FAF1: variants seen among roughly 807,000 people sequenced by gnomAD.
FAF1 encodes Fas associated factor 1.
In FAF1, 25 loss-of-function variants were observed where a neutral mutation model predicts 92.5. The observed-to-expected ratio is 0.27, with a 90% CI of 0.20 to 0.38. The LOEUF is 0.38. Ranked by LOEUF, FAF1 falls within the 10% of genes least tolerant of loss-of-function variation. The pLI is 1.00. For synonymous variants in FAF1, 234 were observed against 273.2 expected (o/e 0.86, Z 1.42); for missense variants, 636 against 793.3 (o/e 0.80, Z 2.38).
rs531410756 is a variant in FAF1, at chr1:50,582,239, T to TA, written c.1113+378dup. Among the ~76,000 whole-genome samples the TA allele has an allele frequency of 2.9e-3, 432 of 151,470 alleles. 5 individuals are homozygous for TA. The South Asian group carries it at 0.036, about 13-fold the overall frequency. ...AAGCACATCCACCTTTTTTCCCATT[T>TA]AAAAAAAAACCCTATTTCAGTGCTT... is the stretch of plus-strand genomic sequence containing the variant. On this transcript the variant is annotated intron_variant, in intron 12 of 18. Coordinates refer to ENST00000396153, the MANE Select transcript of FAF1 (RefSeq NM_007051.3).
At chr1:50,547,472 G>A (rs1649085207) in intron 13 of FAF1, among the ~76,000 whole-genome samples, 2 of 151,508 alleles carry the variant, frequency 1.3e-5, no homozygotes, top group South Asian at 2.1e-4. Context: ...GTAGTGCAAC[G>A]GCGTGATCTA....
chr1:50,577,077 A>AT (rs1023941376), intron 12 of FAF1, among the ~76,000 whole-genome samples: 4 of 152,054 alleles, frequency 2.6e-5, no homozygotes, highest in African/African-American at 7.2e-5. Flanking sequence ...TCCGTCCTGC[A>AT]TTTTTTTGCT....
chr1:50,576,059 T>G (rs1198226241), intron 12 of FAF1, among the ~76,000 whole-genome samples: 2 of 152,234 alleles, frequency 1.3e-5, no homozygotes, highest in Non-Finnish European at 2.9e-5. Context: ...AATTCCTTTC[T>G]GAAACTGTTC....
intron 15 of FAF1, among the ~76,000 whole-genome samples, chr1:50,503,009 TA>T (rs1366500539): frequency 2.0e-5 from 3 of 151,936 alleles, no homozygotes; most frequent in Non-Finnish European, 2.9e-5. Flanking sequence ...ATTATTATAT[TA>T]AAAATGTTTT....
intron 18 of FAF1, among the ~76,000 whole-genome samples, chr1:50,461,086 T>A (rs1370828284): frequency 6.6e-6 from 1 of 152,196 alleles, no homozygotes; most frequent in Non-Finnish European, 1.5e-5. Flanking sequence ...TGGTTGAGTA[T>A]CCACTAATTC....
chr1:50,650,483 G>A (rs1217254282), intron 8 of FAF1, among the ~76,000 whole-genome samples: 3 of 151,840 alleles, frequency 2.0e-5, no homozygotes, highest in African/African-American at 7.3e-5. Context: ...AGCTGGGCAT[G>A]GTGGTATACG....
At chr1:50,586,739 G>A (rs1651250497) in intron 9 of FAF1, among the ~76,000 whole-genome samples, 1 of 152,158 alleles carries the variant, frequency 6.6e-6, no homozygotes, top group African/African-American at 2.4e-5. Flanking sequence ...TTAGAGCAGT[G>A]AAAGAGCCTC....
intron 14 of FAF1, among the ~76,000 whole-genome samples, chr1:50,538,326 T>C (rs1648589143): frequency 6.6e-6 from 1 of 152,024 alleles, no homozygotes; most frequent in South Asian, 2.1e-4. Context: ...TTGTGCCACA[T>C]AAACTATTAA....
At chr1:50,444,979 G>A (rs1014943347) in intron 18 of FAF1, among the ~76,000 whole-genome samples, 4 of 152,210 alleles carry the variant, frequency 2.6e-5, no homozygotes, top group African/African-American at 7.2e-5. Flanking sequence ...GGGCTTACTT[G>A]CAGATGATGA....
chr1:50,640,664 G>A (rs1021044628), intron 8 of FAF1, among the ~76,000 whole-genome samples: 3 of 151,882 alleles, frequency 2.0e-5, no homozygotes, highest in African/African-American at 7.3e-5. Flanking sequence ...GTCCATTTCA[G>A]CCTAGTGTTG....
intron 1 of FAF1, among the ~76,000 whole-genome samples, chr1:50,860,734 A>C (rs1644425504): frequency 6.6e-6 from 1 of 151,832 alleles, no homozygotes. Context: ...AGAAATCCCT[A>C]TGTATATATT....
intron 15 of FAF1, among the ~76,000 whole-genome samples, chr1:50,494,998 T>C (rs1168923835): frequency 6.6e-6 from 1 of 152,176 alleles, no homozygotes; most frequent in Non-Finnish European, 1.5e-5. Flanking sequence ...GAGTACATAG[T>C]AGGTCTACAT....
At chr1:50,714,231 C>T (rs1658076787) in intron 6 of FAF1, among the ~76,000 whole-genome samples, 2 of 149,424 alleles carry the variant, frequency 1.3e-5, no homozygotes, top group South Asian at 4.2e-4. Flanking sequence ...GCCTGGGTGT[C>T]GTGGCTCACG....
Position 50,958,521 on chromosome 1 carries a change from C to A in FAF1, c.45+1246G>T, listed in dbSNP as rs1327777834. 2.0e-5 allele frequency among the ~76,000 whole-genome samples: 3 copies of A among 151,914 alleles called. No individual in the cohort carries two copies. In the East Asian group the frequency reaches 5.8e-4, roughly 29 times the overall value. Reference sequence around the variant, plus strand: ...CGAAACCCTGTCTCTACTAAAAATACAAAAATATTAGCCAGGCGTGGTGGC... The same window carrying A: ...CGAAACCCTGTCTCTACTAAAAATAAAAAAATATTAGCCAGGCGTGGTGGC... On this transcript the variant is annotated intron_variant, in intron 1 of 18. Transcript: ENST00000396153.
intron 8 of FAF1, among the ~76,000 whole-genome samples, chr1:50,597,482 G>A (rs1651876034): frequency 6.6e-6 from 1 of 151,802 alleles, no homozygotes; most frequent in Non-Finnish European, 1.5e-5. Flanking sequence ...TAAATATCAT[G>A]AAATATGAGG....
chr1:50,819,788 CATATATATATATACATATATATAT>C (rs1644025272), intron 2 of FAF1, among the ~76,000 whole-genome samples: 1 of 54,198 alleles, frequency 1.8e-5, no homozygotes, highest in Non-Finnish European at 4.0e-5. Flanking sequence ...CATATATATA[CATATATATATATACATATATATAT>C]ATATATAGTA....
chr1:50,682,346 T>C (rs927763408), intron 7 of FAF1, among the ~76,000 whole-genome samples: 2 of 151,722 alleles, frequency 1.3e-5, no homozygotes, highest in Non-Finnish European at 2.9e-5. Flanking sequence ...TTTTAAAAAA[T>C]AAAAAAATCA....
At chr1:50,889,448 T>C (rs1162585635) in intron 1 of FAF1, among the ~76,000 whole-genome samples, 1 of 152,242 alleles carries the variant, frequency 6.6e-6, no homozygotes, top group Non-Finnish European at 1.5e-5. Context: ...TTCTTTTAAT[T>C]GTGATGTTAG....
chr1:50,763,553 T>C lies in FAF1; in HGVS notation c.368-18778A>G, dbSNP rs1045053348. Among the ~76,000 whole-genome samples the C allele has an allele frequency of 4.6e-5, 7 of 152,290 alleles. No individual in the cohort carries two copies. The South Asian group carries it at 6.2e-4, about 14-fold the overall frequency. ...CTCTAATCAGACATACATTGTACCATTTTATATTTGCCTAGAAGTCGTTCA... is the reference window on the plus strand; with the variant it reads ...CTCTAATCAGACATACATTGTACCACTTTATATTTGCCTAGAAGTCGTTCA... On this transcript the variant is annotated intron_variant, in intron 4 of 18. Coordinates refer to ENST00000396153, the MANE Select transcript of FAF1 (RefSeq NM_007051.3).
Sources: allele counts gnomAD v4.1 joint callset (sites outside exome capture counted in the v4.1 genomes callset), GRCh38; gene constraint gnomAD v4.1.1; transcripts MANE v1.5; gene names NCBI Gene and HGNC (gene_info 2026-07-23, HGNC 2026-07-21).